The following MAST3 variants were observed in gnomAD, a reference collection of about 807,000 sequenced individuals.
MAST3 encodes the protein microtubule associated serine/threonine kinase 3.
In MAST3, 43 loss-of-function variants were observed where a neutral mutation model predicts 127.0. The observed-to-expected ratio is 0.34, with a 90% CI of 0.27 to 0.44. The LOEUF (loss-of-function observed/expected upper bound fraction) is 0.44. Ranked by LOEUF, MAST3 falls within the 20% of genes least tolerant of loss-of-function variation. The pLI, the probability that MAST3 is intolerant of heterozygous loss-of-function variation, is 1.00. For synonymous variants in MAST3, 785 were observed against 809.2 expected, an observed-to-expected ratio of 0.97 and a Z score of 0.51; for missense variants, 1,390 against 1,919.1, an observed-to-expected ratio of 0.72 and a Z score of 5.15.
At chr19:18,118,129 G>A in intron 3 of MAST3, 1 of 985,278 alleles carries the variant, frequency 1.0e-6, no homozygotes, top group South Asian at 4.7e-5. Flanking sequence ...CTCCCTTCCC[G>A]GCCTCGGGCG....
intron 20 of MAST3, among the ~76,000 whole-genome samples, chr19:18,140,238 G>GGT (rs2042313686): frequency 0.023 from 4 of 172 alleles, no homozygotes; most frequent in Admixed American, 0.042. Context: ...AAATTAGCCA[G>GGT]GCGGTGGTGG....
At chr19:18,100,567 A>G (rs1490796796) in intron 1 of MAST3, among the ~76,000 whole-genome samples, 1 of 152,210 alleles carries the variant, frequency 6.6e-6, no homozygotes, top group Non-Finnish European at 1.5e-5. Context: ...ATAACCGTTC[A>G]TATTAACAGG....
At chr19:18,142,772 C>G (rs2042641255) in intron 21 of MAST3, among the ~76,000 whole-genome samples, 1 of 151,702 alleles carries the variant, frequency 6.6e-6, no homozygotes, top group Non-Finnish European at 1.5e-5. Context: ...TCTCAAGTAG[C>G]TGGGACTACA....
Position 18,112,314 on chromosome 19 carries a change from C to T in MAST3, c.161+1573C>T, listed in dbSNP as rs2038739181. ...GTAGCGGAGACTACAGGCGTGCCAC[C>T]ACGCCCGGCTAATTTTTTGTTTGTT... On this transcript the variant is annotated intron_variant, in intron 3 of 27. Coordinates refer to ENST00000687212, the MANE Select transcript of MAST3 (RefSeq NM_001393504.1). This position sits in a 1 kb window ranked among gnomAD's most constrained non-coding sequence, Gnocchi z 4.1. Among the ~76,000 whole-genome samples the T allele has an allele frequency of 6.6e-6, 1 of 152,188 alleles. No homozygotes were observed. The highest frequency in any genetic ancestry group is 1.5e-5 in the Non-Finnish European group (1 of 68,038).
At chr19:18,106,919 G>GC (rs995035948) in intron 1 of MAST3, among the ~76,000 whole-genome samples, 13 of 144,618 alleles carry the variant, frequency 9.0e-5, no homozygotes, top group African/African-American at 3.4e-4. Flanking sequence ...TCCCACCTCA[G>GC]CCCCCCAAGT....
At chr19:18,111,575 C>G (rs895201496) in intron 3 of MAST3, among the ~76,000 whole-genome samples, 1 of 133,212 alleles carries the variant, frequency 7.5e-6, no homozygotes, top group African/African-American at 3.1e-5. Flanking sequence ...TGTTCTGTCC[C>G]CTAGGCTGGA....
chr19:18,122,158 T>A, intron 5 of MAST3: 1 of 982,160 alleles, frequency 1.0e-6, no homozygotes, highest in African/African-American at 1.8e-5. Flanking sequence ...GGGTGGGGGG[T>A]CATGGGGGGA....
chr19:18,131,763 C>A (rs1479114312), intron 14 of MAST3, 146 bp from the exon 15 acceptor site: 15 of 824,762 alleles, frequency 1.8e-5, no homozygotes, highest in Admixed American at 4.6e-5. Context: ...CCCTCTCCCC[C>A]GACCCTCCCC....
At position 18,130,898 on chromosome 19, in the gene MAST3, G is replaced by A. The variant is rs10406361; in HGVS notation, c.1432+196G>A. ...TTTAGGGCTGGAGGAGCCCAGACAG[G>A]AGTGTGTGAGGATGGGACCCTGGAG... On this transcript the variant is annotated intron_variant, in intron 14 of 27. Coordinates refer to ENST00000687212, the MANE Select transcript of MAST3 (RefSeq NM_001393504.1). Among the ~76,000 whole-genome samples, 76,829 of 152,042 alleles carry A rather than the reference G, an allele frequency of 0.51. 19,673 individuals carry two copies. The highest frequency in any genetic ancestry group is 0.67 in the East Asian group (3,437 of 5,164).
rs2040347050 is a variant in MAST3 at position 18,124,383 on chromosome 19, A to G, written c.945+17A>G. Reference sequence around the variant, plus strand: ...GAGTGTCTGGTAAGTTTCTCTTTCTACGGCCAGCTTGGGGTCCAGGCAGAA... The same window carrying G: ...GAGTGTCTGGTAAGTTTCTCTTTCTGCGGCCAGCTTGGGGTCCAGGCAGAA... On this transcript the variant is annotated intron_variant, in intron 10 of 27. Transcript: ENST00000687212. 6.3e-7 allele frequency: 1 copy of G among 1,580,016 alleles called. No homozygotes were observed. Among genetic ancestry groups the G allele is most frequent in the African/African-American group, 1.3e-5 (1 of 74,200 alleles).
At chr19:18,125,824 C>G (rs1599767025) in intron 11 of MAST3, among the ~76,000 whole-genome samples, 2 of 151,866 alleles carry the variant, frequency 1.3e-5, no homozygotes, top group African/African-American at 4.8e-5. Context: ...CTTTGTGAGA[C>G]TGAGGCGGGT....
chr19:18,134,812 C>G lies in MAST3; in HGVS notation c.1705-5C>G. On this transcript the variant is annotated splice_region_variant and splice_polypyrimidine_tract_variant and intron_variant, in intron 16 of 27. Coordinates refer to ENST00000687212, the MANE Select transcript of MAST3 (RefSeq NM_001393504.1). ...GCCTCAGTTTCCCCGTTCTCCCTGG[C>G]CCAGGTGTGTGGGACGCCGGAGTAC... 6.2e-7 allele frequency: 1 copy of G among 1,613,978 alleles called. No individual in the cohort carries two copies. The highest frequency in any genetic ancestry group is 8.5e-7 in the Non-Finnish European group (1 of 1,179,882).
intron 18 of MAST3, among the ~76,000 whole-genome samples, chr19:18,136,776 G>C (rs1186638813): frequency 6.6e-6 from 1 of 152,042 alleles, no homozygotes; most frequent in Non-Finnish European, 1.5e-5. Flanking sequence ...GCTCCTAAAT[G>C]ACAGCGGATT....
At position 18,144,506 on chromosome 19, in the gene MAST3, T is replaced by C. The variant is rs759535285; in HGVS notation, c.2625T>C (p.Asn875=). ...TCAGCCACGCCCGCCTACGGAGCAA[T>C]AGCATCGGCGCCCGACACTCCACAC... The part of the protein sequence containing the change: ...AALSHARLRS[N]SIGARHSTPR... Residue 875 remains asparagine, a synonymous_variant, in exon 23 of 28, where the codon AAT becomes AAC. Coordinates refer to ENST00000687212, the MANE Select transcript of MAST3 (RefSeq NM_001393504.1). This position sits in a 1 kb window ranked among gnomAD's most constrained non-coding sequence, Gnocchi z 4.0. The C allele has an allele frequency of 6.2e-7, 1 of 1,605,030 alleles. No individual in the cohort carries two copies. The highest frequency in any genetic ancestry group is 1.1e-5 in the South Asian group (1 of 90,248).
chr19:18,122,798 GT>G, intron 6 of MAST3, 47 bp downstream of exon 6: 1 of 1,564,418 alleles, frequency 6.4e-7, no homozygotes, highest in African/African-American at 1.4e-5. Context: ...ATGCCGGGTT[GT>G]GGGGGGACAC....
Position 18,129,102 on chromosome 19 carries a change from A to G in MAST3, c.1223+151A>G, listed in dbSNP as rs567305862. 4.7e-5 allele frequency: 32 copies of G among 676,138 alleles called. No individual in the cohort carries two copies. In the African/African-American group the frequency reaches 5.0e-4, roughly 11 times the overall value. 41.9% of individuals were successfully genotyped at this position (676,138 alleles called of 1,614,324 possible). A position where few individuals can be genotyped will look rare whatever the true frequency, so the allele number is the denominator to read the frequency against. ...GAAGGCACCTGAGGACTGGAGGGGG[A>G]AGTGGAGACACGCCATAGCGAGGTT... On this transcript the variant is annotated intron_variant, in intron 13 of 27. Coordinates refer to ENST00000687212, the MANE Select transcript of MAST3 (RefSeq NM_001393504.1).
chr19:18,143,703 G>A, intron 21 of MAST3, 60 bp from the exon 22 acceptor site: 1 of 1,599,928 alleles, frequency 6.3e-7, no homozygotes, highest in Non-Finnish European at 8.5e-7. Context: ...CATGAAGGTG[G>A]CTGAGTATCC....
In MAST3 at chr19:18,144,785, G is replaced by A. The variant is rs1446520711; in HGVS notation, c.2812+92G>A. On this transcript the variant is annotated intron_variant, in intron 23 of 27. Coordinates refer to ENST00000687212, the MANE Select transcript of MAST3 (RefSeq NM_001393504.1). The surrounding 1 kb of genome is among the most constrained non-coding windows in gnomAD (Gnocchi z 4.0). ...TTCCTGAGTTGGGGAGGCTGGGGAT[G>A]AGCCCCAGAAGAGGGGAGGAGGAGT... 6 of 1,369,272 alleles carry A rather than the reference G, an allele frequency of 4.4e-6. No homozygotes were observed. In the African/African-American group the frequency reaches 8.5e-5, roughly 19 times the overall value. The allele number at this position is 1,369,272 out of a possible 1,614,324, so 84.8% of individuals were successfully genotyped here.
rs1299216240 is a variant in MAST3, at chr19:18,151,385, GAGTCGTGGCAGAACGGAGCATC to G, written c.*1662_*1683del. 1 of 152,192 alleles carries G rather than the reference GAGTCGTGGCAGAACGGAGCATC, an allele frequency of 6.6e-6. No homozygotes were observed. The highest frequency in any genetic ancestry group is 2.4e-5 in the African/African-American group (1 of 41,436). 9.4% of individuals were successfully genotyped at this position (152,192 alleles called of 1,614,324 possible). A position where few individuals can be genotyped will look rare whatever the true frequency, so the allele number is the denominator to read the frequency against. Reference sequence around the variant, plus strand: ...GACCTGTCCCACGATCACCCAGCAGGAGTCGTGGCAGAACGGAGCATCAGCCAGACCCTGTTGTGGGCGTTGT... The same window carrying G: ...GACCTGTCCCACGATCACCCAGCAGGAGCCAGACCCTGTTGTGGGCGTTGT... On this transcript the variant is annotated 3_prime_UTR_variant, in exon 28 of 28. Coordinates refer to ENST00000687212, the MANE Select transcript of MAST3 (RefSeq NM_001393504.1).
Sources: gnomAD v4.1 joint callset for allele counts (sites outside exome capture counted in the v4.1 genomes callset) on GRCh38, gnomAD v4.1.1 for gene constraint, Gnocchi (gnomAD v3.1) non-coding constraint, MANE v1.5 for transcripts, NCBI Gene and HGNC (gene_info 2026-07-23, HGNC 2026-07-21) for gene names.